The following CSMD3 variants were observed in gnomAD, a reference collection of about 807,000 sequenced individuals.
CSMD3 encodes the protein CUB and sushi domain-containing protein 3.
CSMD3 carries 177 observed loss-of-function variants against 435.2 expected under a neutral mutation model. The ratio of observed to expected loss-of-function variants is 0.41; its 90% confidence interval spans 0.36 to 0.46. The LOEUF (loss-of-function observed/expected upper bound fraction) is 0.46, where lower values mean the gene tolerates loss of function less well. CSMD3 is among the 20% of genes least tolerant of loss of function. CSMD3 has a pLI of 0.34. For synonymous variants in CSMD3, 1,656 were observed against 1,520.5 expected (o/e 1.09, Z -2.07); for missense variants, 4,265 against 4,504.6 (o/e 0.95, Z 1.52).
chr8:113,407,148 T>A (rs770603306), intron 1 of CSMD3, among the ~76,000 whole-genome samples: 4 of 152,154 alleles, frequency 2.6e-5, no homozygotes, highest in Non-Finnish European at 5.9e-5. Context: ...AAATATGAAG[T>A]CTTCCACTTA....
At chr8:113,017,375 T>A (rs2131160634) in intron 6 of CSMD3, among the ~76,000 whole-genome samples, 1 of 152,088 alleles carries the variant, frequency 6.6e-6, no homozygotes, top group African/African-American at 2.4e-5. Flanking sequence ...TATCTGAAGG[T>A]ACCAGCTCCA....
At chr8:112,570,677 A>ATAAGAAGT (rs1829429445) in intron 24 of CSMD3, among the ~76,000 whole-genome samples, 1 of 152,228 alleles carries the variant, frequency 6.6e-6, no homozygotes, top group African/African-American at 2.4e-5. Context: ...CACTGTAAAA[A>ATAAGAAGT]TAAGAAGTAA....
chr8:112,916,328 C>T (rs2082570879), intron 10 of CSMD3, among the ~76,000 whole-genome samples: 1 of 151,784 alleles, frequency 6.6e-6, no homozygotes, highest in Non-Finnish European at 1.5e-5. Flanking sequence ...ACTAAGTTGT[C>T]TATAAATGCA....
At chr8:113,132,846 G>T (rs113404912) in intron 4 of CSMD3, among the ~76,000 whole-genome samples, 1 of 152,068 alleles carries the variant, frequency 6.6e-6, no homozygotes, top group African/African-American at 2.4e-5. Context: ...AAATTATTAC[G>T]CTATATGCCT....
chr8:112,375,346 A>C (rs1015977207), intron 38 of CSMD3, among the ~76,000 whole-genome samples: 2 of 152,154 alleles, frequency 1.3e-5, no homozygotes, highest in Non-Finnish European at 2.9e-5. Flanking sequence ...ATAGGCACTC[A>C]ACATTACTTT....
chr8:112,682,384 G>T (rs2131784118), intron 16 of CSMD3, 58 bp downstream of exon 16: 1 of 1,234,508 alleles, frequency 8.1e-7, no homozygotes, highest in Non-Finnish European at 1.2e-6. Context: ...GTTTCTTGTT[G>T]TGGTTTCTTG....
intron 4 of CSMD3, among the ~76,000 whole-genome samples, chr8:113,133,838 C>A (rs190004930): frequency 6.6e-6 from 1 of 152,128 alleles, no homozygotes; most frequent in Admixed American, 6.6e-5. Flanking sequence ...CATGAACTAT[C>A]TGAAATAGTC....
rs187394064 is a variant in CSMD3, at chr8:112,491,577, G to A, written c.5278+912C>T. ...AGGCAGGAGAATCACTTGATTGCGG[G>A]AGGTGGAGTTGCAGTGAGCCCGGAT... On this transcript the variant is annotated intron_variant, in intron 31 of 70. Transcript: ENST00000297405. Among the ~76,000 whole-genome samples the A allele has an allele frequency of 7.2e-4, 110 of 152,164 alleles. 1 individual carries two copies. The highest frequency in any genetic ancestry group is 2.5e-3 in the African/African-American group (105 of 41,516).
intron 27 of CSMD3, among the ~76,000 whole-genome samples, chr8:112,542,178 A>G (rs2131143410): frequency 6.6e-6 from 1 of 151,428 alleles, no homozygotes; most frequent in Non-Finnish European, 1.5e-5. Context: ...CCATATATCA[A>G]AAGACCACAG....
At chr8:113,346,326 A>G (rs759837156) in intron 1 of CSMD3, among the ~76,000 whole-genome samples, 1 of 151,956 alleles carries the variant, frequency 6.6e-6, no homozygotes, top group African/African-American at 2.4e-5. Context: ...TTCTTTTCTG[A>G]TAAGAAATGC....
intron 1 of CSMD3, among the ~76,000 whole-genome samples, chr8:113,319,688 T>G (rs1306722997): frequency 6.6e-6 from 1 of 152,086 alleles, no homozygotes; most frequent in African/African-American, 2.4e-5. Context: ...AAAGTTATCA[T>G]ACTATTTTCT....
intron 27 of CSMD3, among the ~76,000 whole-genome samples, chr8:112,536,075 GA>G (rs1402741680): frequency 6.6e-6 from 1 of 152,156 alleles, no homozygotes; most frequent in Non-Finnish European, 1.5e-5. Flanking sequence ...AACCCTAGAA[GA>G]AAACTTAGGC....
rs1367327831 is a variant in CSMD3, at chr8:112,405,211, CCCCATATATATAT to C, written c.5809+1300_5809+1312del. On this transcript the variant is annotated intron_variant, in intron 35 of 70. Coordinates refer to ENST00000297405, the MANE Select transcript of CSMD3 (RefSeq NM_198123.2). ...AAAAAAAAAAAAAAAAAAAAAAAACCCCCATATATATATATATATATATATATATATATATACA... is the reference window on the plus strand; with the variant it reads ...AAAAAAAAAAAAAAAAAAAAAAAACCATATATATATATATATATATATACA... 4.2e-3 allele frequency among the ~76,000 whole-genome samples: 75 copies of C among 18,064 alleles called. 9 individuals are homozygous for C. Among genetic ancestry groups the C allele is most frequent in the East Asian group, 9.2e-3 (7 of 762 alleles). 11.9% of individuals were successfully genotyped at this position (18,064 alleles called of 152,430 possible). A position where few individuals can be genotyped will look rare whatever the true frequency, so the allele number is the denominator to read the frequency against.
intron 2 of CSMD3, among the ~76,000 whole-genome samples, chr8:113,292,934 T>G (rs1489695014): frequency 1.3e-5 from 2 of 151,818 alleles, no homozygotes. Flanking sequence ...TTTTGCTAAA[T>G]TTTTGTAACC....
At chr8:113,175,603 A>C (rs1564394088) in intron 3 of CSMD3, among the ~76,000 whole-genome samples, 1 of 152,028 alleles carries the variant, frequency 6.6e-6, no homozygotes, top group Non-Finnish European at 1.5e-5. Flanking sequence ...ACTTTTAAAG[A>C]AACACTTTGA....
chr8:112,687,747 AT>A (rs1035253960), intron 14 of CSMD3, among the ~76,000 whole-genome samples: 21 of 151,640 alleles, frequency 1.4e-4, no homozygotes, highest in African/African-American at 4.8e-4. Flanking sequence ...GTTTGGCTTG[AT>A]TTTTTTTTCT....
intron 1 of CSMD3, among the ~76,000 whole-genome samples, chr8:113,368,644 A>T (rs1304287490): frequency 6.6e-6 from 1 of 152,126 alleles, no homozygotes; most frequent in African/African-American, 2.4e-5. Context: ...CGCAGTTATA[A>T]GGTTGAGCAG....
At chr8:113,343,422 C>T (rs1588559159) in intron 1 of CSMD3, among the ~76,000 whole-genome samples, 1 of 152,010 alleles carries the variant, frequency 6.6e-6, no homozygotes, top group Non-Finnish European at 1.5e-5. Flanking sequence ...ACAAATTGTC[C>T]ATTTGAAGAT....
chr8:112,352,327 T>G, intron 39 of CSMD3, 89 bp downstream of exon 39: 1 of 1,594,068 alleles, frequency 6.3e-7, no homozygotes, highest in Non-Finnish European at 8.5e-7. Context: ...GGATCAATGT[T>G]GTAAAACCCG....
Sources: gnomAD v4.1 joint callset for allele counts (sites outside exome capture counted in the v4.1 genomes callset) on GRCh38, gnomAD v4.1.1 for gene constraint, MANE v1.5 for transcripts, NCBI Gene and HGNC (gene_info 2026-07-23, HGNC 2026-07-21) for gene names.